Variants in LPXN observed in about 807,000 individuals in gnomAD.
LPXN encodes the protein leupaxin.
In LPXN, 28 loss-of-function variants were observed where a neutral mutation model predicts 45.6. That is an observed-to-expected ratio of 0.61 (90% confidence interval 0.45 to 0.84). The LOEUF is 0.84. Ranked by LOEUF, LPXN falls within the 40% of genes least tolerant of loss-of-function variation. LPXN has a pLI of 0.00. For missense variants in LPXN, 459 were observed against 475.0 expected (o/e 0.97, Z 0.31); for synonymous variants, 166 against 169.9 (o/e 0.98, Z 0.18).
chr11:58,558,362 A>T (rs1293194584), intron 3 of LPXN, among the ~76,000 whole-genome samples: 1 of 151,478 alleles, frequency 6.6e-6, no homozygotes, highest in Non-Finnish European at 1.5e-5. Flanking sequence ...ACATAGGGAG[A>T]CCCTGTCTCT....
At chr11:58,569,574 A>G (rs1157103848) in intron 2 of LPXN, among the ~76,000 whole-genome samples, 1 of 152,014 alleles carries the variant, frequency 6.6e-6, no homozygotes, top group Non-Finnish European at 1.5e-5. Flanking sequence ...TTTTTCGTAG[A>G]GATGGGGGTC....
chr11:58,551,360 A>G (rs1854047446), intron 4 of LPXN, 128 bp from the exon 5 acceptor site: 1 of 678,784 alleles, frequency 1.5e-6, no homozygotes, highest in Non-Finnish European at 2.1e-6. Flanking sequence ...CCTGCAAGAC[A>G]TTGGAAAAAT....
chr11:58,573,839 T>C (rs1346560473), intron 1 of LPXN, among the ~76,000 whole-genome samples: 5 of 152,182 alleles, frequency 3.3e-5, no homozygotes, highest in Non-Finnish European at 1.5e-5. Flanking sequence ...TGAGGTCTCT[T>C]GGGAGTCTCT....
chr11:58,536,993 T>A (rs1192949279), intron 7 of LPXN, among the ~76,000 whole-genome samples: 8 of 152,124 alleles, frequency 5.3e-5, no homozygotes, highest in Non-Finnish European at 1.0e-4. Flanking sequence ...AAGGCGATCA[T>A]TAAAAAGTCA....
In LPXN at chr11:58,527,704, GA is replaced by G. The variant is rs1190790519; in HGVS notation, c.910del (p.Ser304LeufsTer56). The G allele has an allele frequency of 6.2e-7, 1 of 1,613,922 alleles. No homozygotes were observed. The highest frequency in any genetic ancestry group is 8.5e-7 in the Non-Finnish European group (1 of 1,179,994). On this transcript the variant is annotated frameshift_variant, in exon 9 of 9. Coordinates refer to ENST00000395074, the MANE Select transcript of LPXN (RefSeq NM_004811.3). LOFTEE classifies it high-confidence loss of function. The stretch of plus-strand genomic sequence containing the variant: ...ATCCAGTTCAAAGAAGGAGCCAGTA[GA>G]AAAACTGGTGAAGCAGTCCTGGGGT... ...FVCGDCFTSFSTGSFFELDGR... is the reference protein window; with the variant it reads ...FVCGDCFTSFXTGSFFELDGR...
intron 7 of LPXN, among the ~76,000 whole-genome samples, chr11:58,534,362 T>C (rs2120205882): frequency 6.6e-6 from 1 of 151,874 alleles, no homozygotes; most frequent in South Asian, 2.1e-4. Flanking sequence ...AACTCAGGAG[T>C]AAGAAACTCT....
At chr11:58,535,277 A>G (rs1164741255) in intron 7 of LPXN, among the ~76,000 whole-genome samples, 1 of 152,210 alleles carries the variant, frequency 6.6e-6, no homozygotes, top group Non-Finnish European at 1.5e-5. Context: ...CCTCGATAAA[A>G]TATTGGCAAA....
chr11:58,529,371 G>A (rs1853317378), intron 7 of LPXN, among the ~76,000 whole-genome samples: 1 of 152,148 alleles, frequency 6.6e-6, no homozygotes, highest in Admixed American at 6.5e-5. Context: ...AGCACTTTGG[G>A]AGGCCGAGGC....
intron 2 of LPXN, among the ~76,000 whole-genome samples, chr11:58,567,149 C>G (rs1325709359): frequency 2.6e-5 from 4 of 152,198 alleles, no homozygotes; most frequent in Non-Finnish European, 5.9e-5. Flanking sequence ...AAGTACATTT[C>G]TGCTTCATAG....
intron 7 of LPXN, among the ~76,000 whole-genome samples, chr11:58,532,094 C>T (rs938310598): frequency 6.6e-6 from 1 of 152,262 alleles, no homozygotes; most frequent in African/African-American, 2.4e-5. Flanking sequence ...GCAACTGAGA[C>T]AGCAGCTGCG....
upstream of LPXN, chr11:58,577,898 G>T (rs1003864522): frequency 1.7e-6 from 2 of 1,159,948 alleles, no homozygotes; most frequent in African/African-American, 1.6e-5. Context: ...TCGTTTCACA[G>T]ATTTGATTAA....
At chr11:58,578,503 C>T (rs1338164487), upstream of LPXN, among the ~76,000 whole-genome samples, 2 of 152,222 alleles carry the variant, frequency 1.3e-5, no homozygotes, top group African/African-American at 4.8e-5. Flanking sequence ...TTTTCAGAGA[C>T]TTTCATCCGG....
chr11:58,565,282 C>T lies in LPXN; in HGVS notation c.172-1081G>A, dbSNP rs980502074. ...GGCGTGGTGGCTCACGCCCGTAATC[C>T]CAGTACTTTGGGTGGCTGAGGCAGG... On this transcript the variant is annotated intron_variant, in intron 2 of 8. Coordinates refer to ENST00000395074, the MANE Select transcript of LPXN (RefSeq NM_004811.3). 9.2e-5 allele frequency among the ~76,000 whole-genome samples: 14 copies of T among 152,032 alleles called. 1 individual carries two copies. Among genetic ancestry groups the T allele is most frequent in the African/African-American group, 3.4e-4 (14 of 41,384 alleles).
chr11:58,545,614 C>T (rs1315734638), intron 7 of LPXN, among the ~76,000 whole-genome samples: 1 of 152,150 alleles, frequency 6.6e-6, no homozygotes, highest in Non-Finnish European at 1.5e-5. Flanking sequence ...CTACAGAGCA[C>T]TTTGCTAGTG....
intron 7 of LPXN, among the ~76,000 whole-genome samples, chr11:58,544,187 G>C (rs573766268): frequency 4.3e-4 from 65 of 152,222 alleles, no homozygotes; most frequent in African/African-American, 1.6e-3. Context: ...ACTGAATACC[G>C]TAAGTCCTAC....
chr11:58,569,241 A>C (rs1854609217), intron 2 of LPXN, among the ~76,000 whole-genome samples: 1 of 152,240 alleles, frequency 6.6e-6, no homozygotes, highest in Non-Finnish European at 1.5e-5. Context: ...TTCATCTTAC[A>C]CTAATTCCAT....
intron 4 of LPXN, among the ~76,000 whole-genome samples, chr11:58,552,903 T>C (rs1484841989): frequency 6.6e-6 from 1 of 152,204 alleles, no homozygotes; most frequent in Non-Finnish European, 1.5e-5. Flanking sequence ...TCTGAACAGA[T>C]ATAGAAGAGA....
At chr11:58,578,286 G>A (rs1000867859), upstream of LPXN, 18 of 423,664 alleles carry the variant, frequency 4.2e-5, no homozygotes, top group Non-Finnish European at 7.7e-5. Flanking sequence ...TCTAGACTGC[G>A]GAAAGTAAAC....
At chr11:58,542,346 A>G (rs1271178199) in intron 7 of LPXN, among the ~76,000 whole-genome samples, 3 of 151,996 alleles carry the variant, frequency 2.0e-5, no homozygotes, top group Non-Finnish European at 4.4e-5. Context: ...AAATATACTC[A>G]ATACTGGAAG....
Sources: allele counts gnomAD v4.1 joint callset (sites outside exome capture counted in the v4.1 genomes callset), GRCh38; gene constraint gnomAD v4.1.1; transcripts MANE v1.5; gene names NCBI Gene and HGNC (gene_info 2026-07-23, HGNC 2026-07-21).